DYNC2H1: variants seen among roughly 807,000 people sequenced by gnomAD.
DYNC2H1 encodes dynein cytoplasmic 2 heavy chain 1.
Under a neutral mutation model 570.0 loss-of-function variants are expected in DYNC2H1, and 410 were observed. The observed-to-expected ratio is 0.72, with a 90% CI of 0.66 to 0.78. The LOEUF (loss-of-function observed/expected upper bound fraction) is 0.78. DYNC2H1 is among the 30% of genes least tolerant of loss of function. The pLI is 0.00. For synonymous variants in DYNC2H1, 1,688 were observed against 1,677.6 expected, an observed-to-expected ratio of 1.01 and a Z score of -0.15; for missense variants, 4,865 against 5,046.4, an observed-to-expected ratio of 0.96 and a Z score of 1.09.
rs774300457 is a variant in DYNC2H1 at position 103,154,520 on chromosome 11, C to T, written c.3372C>T (p.Ile1124=). The T allele has an allele frequency of 8.2e-6, 13 of 1,579,220 alleles. No individual in the cohort carries two copies. The highest frequency in any genetic ancestry group is 6.7e-5 in the African/African-American group (5 of 74,198). The part of the protein sequence containing the change: ...FSLASSISKD[I]ESCAQIWAFY... ...TGGCAAGTAGTATCTCTAAAGATAT[C>T]GAGAGCTGTGCCCAAATTTGGGCCT... The change falls in exon 23 of 89, where the codon ATC becomes ATT. Residue 1124 remains isoleucine, a synonymous_variant. Transcript: ENST00000375735.
chr11:103,354,520 T>C (rs1940234742), intron 82 of DYNC2H1, among the ~76,000 whole-genome samples: 1 of 152,118 alleles, frequency 6.6e-6, no homozygotes, highest in African/African-American at 2.4e-5. Context: ...TTTATAAATT[T>C]CTTAAACATT....
intron 75 of DYNC2H1, among the ~76,000 whole-genome samples, chr11:103,301,219 G>A (rs1867033635): frequency 6.6e-6 from 1 of 151,850 alleles, no homozygotes; most frequent in African/African-American, 2.4e-5. Flanking sequence ...AAATTACTCA[G>A]ACTCCTGTTA....
At chr11:103,442,912 A>G (rs899441838) in intron 85 of DYNC2H1, among the ~76,000 whole-genome samples, 2 of 151,264 alleles carry the variant, frequency 1.3e-5, no homozygotes, top group Admixed American at 6.6e-5. Context: ...AATATCTCCT[A>G]TGCTGGTACC....
intron 88 of DYNC2H1, among the ~76,000 whole-genome samples, chr11:103,475,261 T>C (rs1253480020): frequency 1.3e-5 from 2 of 152,186 alleles, no homozygotes; most frequent in Non-Finnish European, 2.9e-5. Context: ...GGAAATATAA[T>C]GTGAATTATT....
intron 47 of DYNC2H1, among the ~76,000 whole-genome samples, chr11:103,196,647 A>G (rs959517389): frequency 4.6e-5 from 7 of 152,140 alleles, no homozygotes; most frequent in African/African-American, 1.7e-4. Flanking sequence ...AGAAGGCTGA[A>G]ATTGGACCCC....
At chr11:103,318,535 G>T (rs1013353006) in intron 80 of DYNC2H1, among the ~76,000 whole-genome samples, 5 of 152,046 alleles carry the variant, frequency 3.3e-5, no homozygotes, top group African/African-American at 1.2e-4. Context: ...ATGTATTTCT[G>T]TTGATGGACA....
intron 84 of DYNC2H1, chr11:103,402,888 G>A (rs1942700971): frequency 6.6e-6 from 1 of 152,016 alleles, no homozygotes; most frequent in Non-Finnish European, 1.5e-5. Context: ...GTAAAAAAGT[G>A]GGCTAAGGAG....
chr11:103,426,867 G>A (rs1013231356), intron 84 of DYNC2H1, among the ~76,000 whole-genome samples: 4 of 152,164 alleles, frequency 2.6e-5, no homozygotes, highest in South Asian at 2.1e-4. Context: ...ACCATACCAA[G>A]TGAAACGAAC....
intron 83 of DYNC2H1, among the ~76,000 whole-genome samples, chr11:103,379,107 A>G (rs937794713): frequency 2.6e-5 from 4 of 152,168 alleles, no homozygotes; most frequent in Non-Finnish European, 5.9e-5. Flanking sequence ...TAGCTCTGAA[A>G]TAGTGACACA....
chr11:103,333,417 CT>C (rs1329740173), intron 82 of DYNC2H1, among the ~76,000 whole-genome samples: 1 of 152,140 alleles, frequency 6.6e-6, no homozygotes, highest in Non-Finnish European at 1.5e-5. Context: ...GTACCCACCA[CT>C]TCGCCAGGCT....
rs1460669397 is a variant in DYNC2H1, at chr11:103,137,007, G to C, written c.2574+1059G>C. Among the ~76,000 whole-genome samples, 20 of 150,660 alleles carry C rather than the reference G, an allele frequency of 1.3e-4. No homozygotes were observed. In the East Asian group the frequency reaches 3.3e-3, roughly 25 times the overall value. On this transcript the variant is annotated intron_variant, in intron 17 of 88. Coordinates refer to ENST00000375735, the MANE Select transcript of DYNC2H1 (RefSeq NM_001377.3). Reference sequence around the variant, plus strand: ...GTGAGCATTTTTTCATGTGTTTTTTGGCTGCATAAATGTCTTCTTTTGAGA... The same window carrying C: ...GTGAGCATTTTTTCATGTGTTTTTTCGCTGCATAAATGTCTTCTTTTGAGA...
intron 70 of DYNC2H1, among the ~76,000 whole-genome samples, chr11:103,271,898 G>T (rs926497121): frequency 3.3e-5 from 5 of 152,152 alleles, no homozygotes; most frequent in African/African-American, 1.2e-4. Context: ...AGTTAGAATG[G>T]CGATCATTAA....
chr11:103,258,809 T>C (rs149769252), intron 69 of DYNC2H1, among the ~76,000 whole-genome samples: 1 of 152,322 alleles, frequency 6.6e-6, no homozygotes, highest in Non-Finnish European at 1.5e-5. Context: ...GTACAAAACT[T>C]TCTGCTGTTT....
At chr11:103,333,823 T>G (rs976897992) in intron 82 of DYNC2H1, among the ~76,000 whole-genome samples, 11 of 152,192 alleles carry the variant, frequency 7.2e-5, no homozygotes, top group Admixed American at 5.2e-4. Context: ...CATAGAAAAT[T>G]AACTTTAATG....
intron 7 of DYNC2H1, 24 bp downstream of exon 7, chr11:103,120,605 C>T (rs1858654522): frequency 6.2e-7 from 1 of 1,602,078 alleles, no homozygotes; most frequent in South Asian, 1.1e-5. Flanking sequence ...TTGTTTATGT[C>T]TGTACAGTTT....
Position 103,188,558 on chromosome 11 carries a change from A to G in DYNC2H1, c.7202A>G (p.Gln2401Arg). 1.2e-6 allele frequency: 2 copies of G among 1,610,928 alleles called. No individual in the cohort carries two copies. The highest frequency in any genetic ancestry group is 1.7e-4 in the Middle Eastern group (1 of 6,046). ...NLEWVGLENI[Q>R]IVASMSAGGR... ...GAATGGGTTGGTCTAGAAAATATTC[A>G]AATTGTGGCTTCTATGTCAGCTGGA... Residue 2401 changes from glutamine (Q) to arginine (R), a missense_variant, in exon 44 of 89, where the codon CAA becomes CGA. Gln to Arg is a conservative substitution (Grantham distance 43). Coordinates refer to ENST00000375735, the MANE Select transcript of DYNC2H1 (RefSeq NM_001377.3).
intron 75 of DYNC2H1, among the ~76,000 whole-genome samples, chr11:103,300,923 TA>T (rs1369826060): frequency 1.3e-5 from 2 of 151,856 alleles, no homozygotes; most frequent in African/African-American, 2.4e-5. Context: ...TAAATGTAAA[TA>T]TTTTATATAT....
Position 103,115,160 on chromosome 11 carries a change from C to T in DYNC2H1, c.503-17C>T, listed in dbSNP as rs1189799068. 10 of 1,569,608 alleles carry T rather than the reference C, an allele frequency of 6.4e-6. No individual in the cohort carries two copies. The highest frequency in any genetic ancestry group is 7.8e-6 in the Non-Finnish European group (9 of 1,152,986). On this transcript the variant is annotated splice_polypyrimidine_tract_variant and intron_variant, in intron 3 of 88. Transcript: ENST00000375735. ...CTGATATTCTATGCCATTTTTTTCC[C>T]CTCTTGACTTTTATAGGTATCCTTA...
At chr11:103,390,474 A>T (rs1942094832) in intron 83 of DYNC2H1, among the ~76,000 whole-genome samples, 1 of 152,078 alleles carries the variant, frequency 6.6e-6, no homozygotes, top group Non-Finnish European at 1.5e-5. Context: ...GTGTCTTTTA[A>T]TTGGAGCATT....
Sources: allele counts gnomAD v4.1 joint callset (sites outside exome capture counted in the v4.1 genomes callset), GRCh38; gene constraint gnomAD v4.1.1; transcripts MANE v1.5; gene names NCBI Gene and HGNC (gene_info 2026-07-23, HGNC 2026-07-21).